The following SAMD5 variants were observed in gnomAD, a reference collection of about 807,000 sequenced individuals.
The protein encoded by SAMD5 is sterile alpha motif domain containing 5, also known as sterile alpha motif domain-containing protein 5.
Under a neutral mutation model 11.3 loss-of-function variants are expected in SAMD5, and 13 were observed. The observed-to-expected ratio is 1.15, with a 90% CI of 0.75 to 1.83. The LOEUF (loss-of-function observed/expected upper bound fraction) is 1.83, where lower values mean the gene tolerates loss of function less well. Among genes scored for constraint, SAMD5 ranks in the 40% most tolerant of loss-of-function variants. The probability of loss-of-function intolerance (pLI) is 0.00; values close to 1 mark genes in which losing one functional copy is unlikely to be tolerated. For missense variants in SAMD5, 255 were observed against 239.1 expected (o/e 1.07, Z -0.44); for synonymous variants, 129 against 111.3 (o/e 1.16, Z -1.00).
intron 1 of SAMD5, among the ~76,000 whole-genome samples, chr6:147,713,981 A>G (rs1223518619): frequency 6.6e-6 from 1 of 152,104 alleles, no homozygotes; most frequent in Admixed American, 6.6e-5. Context: ...ACAGGTCTGT[A>G]TTTTTACTTC....
At chr6:147,946,838 C>T in the SAMD5 span, among the ~76,000 whole-genome samples, 3 of 152,200 alleles carry the variant, frequency 2.0e-5, no homozygotes, top group South Asian at 2.1e-4. Context: ...CAATTATCAA[C>T]ATTCAACACT....
At chr6:147,750,387 T>C in the SAMD5 span, among the ~76,000 whole-genome samples, 1 of 152,240 alleles carries the variant, frequency 6.6e-6, no homozygotes, top group Non-Finnish European at 1.5e-5. Flanking sequence ...GTTATCAATT[T>C]ATCCTAGTAA....
At chr6:147,697,162 G>A (rs560763310) in intron 1 of SAMD5, among the ~76,000 whole-genome samples, 11 of 152,278 alleles carry the variant, frequency 7.2e-5, no homozygotes, top group East Asian at 1.9e-4. Flanking sequence ...GCTGCTGCCC[G>A]CTGAGAAAGC....
chr6:147,833,187 C>G, the SAMD5 span, among the ~76,000 whole-genome samples: 1 of 152,184 alleles, frequency 6.6e-6, no homozygotes, highest in Admixed American at 6.6e-5. Flanking sequence ...GGCTGTGTGG[C>G]TCTTTATGCT....
rs778175500 is a variant in SAMD5, at chr6:147,567,295, G to C, written c.*2839G>C. On this transcript the variant is annotated 3_prime_UTR_variant, in exon 2 of 2. Coordinates refer to ENST00000367474, the MANE Select transcript of SAMD5 (RefSeq NM_001030060.3). ...AGTAGTTTCTCAACTGGGAGCATAC[G>C]AGCAATTTCTCAGTTCAGAGATATT... The C allele has an allele frequency of 4.3e-4, 421 of 985,234 alleles. No homozygotes were observed. The highest frequency in any genetic ancestry group is 4.9e-4 in the Non-Finnish European group (404 of 829,762). The allele number at this position is 985,234 out of a possible 1,614,324, so 61.0% of individuals were successfully genotyped here.
At chr6:147,928,973 T>C in the SAMD5 span, among the ~76,000 whole-genome samples, 3,102 of 143,834 alleles carry the variant, frequency 0.022, 114 homozygotes, top group African/African-American at 0.08. Context: ...TATGTGGTTT[T>C]GAGTGTTTTT....
chr6:147,746,944 C>T, the SAMD5 span, among the ~76,000 whole-genome samples: 5 of 152,096 alleles, frequency 3.3e-5, no homozygotes, highest in South Asian at 4.1e-4. Flanking sequence ...ATCAGGATTT[C>T]AGGCGTTTAA....
chr6:147,513,416 C>G (rs543111318), intron 1 of SAMD5, among the ~76,000 whole-genome samples: 1 of 152,216 alleles, frequency 6.6e-6, no homozygotes, highest in East Asian at 1.9e-4. Flanking sequence ...GAATGACATG[C>G]AGATTCCTGG....
the SAMD5 span, among the ~76,000 whole-genome samples, chr6:147,918,670 G>T: frequency 0.38 from 56,568 of 147,684 alleles, 12,642 homozygotes; most frequent in African/African-American, 0.63. Context: ...AAATCAATGT[G>T]CAAAAATCAC....
chr6:147,855,682 TAAAAA>T, the SAMD5 span, among the ~76,000 whole-genome samples: 510 of 151,930 alleles, frequency 3.4e-3, 2 homozygotes, highest in Non-Finnish European at 5.2e-3. Flanking sequence ...ACCAAAAAAA[TAAAAA>T]AATAAAAGAA....
chr6:147,682,742 ACTGGT>A (rs1481272999), intron 1 of SAMD5, among the ~76,000 whole-genome samples: 2 of 150,794 alleles, frequency 1.3e-5, no homozygotes, highest in Admixed American at 6.7e-5. Context: ...AATTATCCTT[ACTGGT>A]CTTTACATTT....
chr6:147,833,076 C>T, the SAMD5 span, among the ~76,000 whole-genome samples: 1 of 152,172 alleles, frequency 6.6e-6, no homozygotes, highest in African/African-American at 2.4e-5. Context: ...AATCCCAGTG[C>T]CTGGGAACCA....
chr6:147,763,591 T>A, the SAMD5 span, among the ~76,000 whole-genome samples: 1 of 152,084 alleles, frequency 6.6e-6, no homozygotes, highest in African/African-American at 2.4e-5. Flanking sequence ...GTTTTTTGCA[T>A]TAATATTGAG....
chr6:147,548,196 A>T (rs1195927715), intron 1 of SAMD5, among the ~76,000 whole-genome samples: 1 of 152,224 alleles, frequency 6.6e-6, no homozygotes, highest in East Asian at 1.9e-4. Flanking sequence ...CCATTCAGAG[A>T]TCTTAATAGA....
intron 1 of SAMD5, among the ~76,000 whole-genome samples, chr6:147,678,488 C>G (rs574014000): frequency 6.6e-6 from 1 of 152,162 alleles, no homozygotes; most frequent in Non-Finnish European, 1.5e-5. Flanking sequence ...CCAGATCACT[C>G]GCTGTAACAT....
chr6:147,947,049 G>A, the SAMD5 span, among the ~76,000 whole-genome samples: 12 of 151,366 alleles, frequency 7.9e-5, no homozygotes, highest in East Asian at 3.9e-4. Flanking sequence ...TCTCGTTTAC[G>A]GGGCAAATCC....
chr6:147,648,481 C>T (rs890006967), intron 1 of SAMD5, among the ~76,000 whole-genome samples: 2 of 152,180 alleles, frequency 1.3e-5, no homozygotes, highest in African/African-American at 2.4e-5. Flanking sequence ...AGCCAAACAA[C>T]ATCAGTGCAT....
At chr6:147,551,801 TTATATATATGTTATATATATATATA>T (rs1562318544) in intron 1 of SAMD5, among the ~76,000 whole-genome samples, 1 of 128,388 alleles carries the variant, frequency 7.8e-6, no homozygotes, top group South Asian at 2.5e-4. Context: ...AATGTGATTC[TTATATATATGTTATATATATATATA>T]TATATATATA....
chr6:147,760,739 AG>A, the SAMD5 span, among the ~76,000 whole-genome samples: 2 of 152,186 alleles, frequency 1.3e-5, no homozygotes, highest in African/African-American at 4.8e-5. Context: ...AAGTGATCTG[AG>A]GAGGTTTGGC....
Sources: allele counts gnomAD v4.1 joint callset (sites outside exome capture counted in the v4.1 genomes callset), GRCh38; gene constraint gnomAD v4.1.1; transcripts MANE v1.5; gene names NCBI Gene and HGNC (gene_info 2026-07-23, HGNC 2026-07-21).